Variants in AHNAK2 observed in about 807,000 individuals in gnomAD.
AHNAK2 encodes the protein AHNAK nucleoprotein 2.
A neutral mutation model predicts 30.7 loss-of-function variants in AHNAK2; 18 were observed. That is an observed-to-expected ratio of 0.59 (90% CI 0.41 to 0.87). The LOEUF (loss-of-function observed/expected upper bound fraction) is 0.87, where lower values mean the gene tolerates loss of function less well. Ranked by LOEUF, AHNAK2 falls within the 40% of genes least tolerant of loss-of-function variation. The pLI is 0.00. For missense variants in AHNAK2, 8,604 were observed against 7,373.0 expected, an observed-to-expected ratio of 1.17 and a Z score of -6.11; for synonymous variants, 3,590 against 3,073.8, an observed-to-expected ratio of 1.17 and a Z score of -5.56.
rs746163542 is a variant in AHNAK2, at chr14:104,953,927, A to C, written c.1524T>G (p.Leu508=). 3.1e-6 allele frequency: 5 copies of C among 1,613,808 alleles called. No homozygotes were observed. In the Admixed American group the frequency reaches 8.3e-5, roughly 27 times the overall value. ...GTCTCTTCCCTCGCTGTGGGGTACT[A>C]AGGCGCCTTTCTCTTTCTGGCTCTT... The part of the protein sequence containing the change: ...TEKEPERERR[L]STPQRGKRQD... The change falls in exon 7 of 7, where the codon CTT becomes CTG. Residue 508 remains leucine, a synonymous_variant. Coordinates refer to ENST00000333244, the MANE Select transcript of AHNAK2 (RefSeq NM_138420.4).
At chr14:104,967,035 G>A (rs1229458216) in intron 1 of AHNAK2, among the ~76,000 whole-genome samples, 2 of 152,204 alleles carry the variant, frequency 1.3e-5, no homozygotes, top group Non-Finnish European at 2.9e-5. Flanking sequence ...AGGGTCCCTG[G>A]GTCACTTGGC....
In AHNAK2 at chr14:104,944,707, T is replaced by C. The variant is rs748321528; in HGVS notation, c.10744A>G (p.Lys3582Glu). ...KGPQIDVKGPKLDLKGPKAEV... is the reference protein window; with the variant it reads ...KGPQIDVKGPELDLKGPKAEV... ...GCCTTGGGGCCTTTCAGGTCCAGCT[T>C]GGGGCCCTTAACATCTATCTGGGGG... Residue 3582 changes from lysine (K) to glutamate (E), a missense_variant, in exon 7 of 7, where the codon AAG becomes GAG. Coordinates refer to ENST00000333244, the MANE Select transcript of AHNAK2 (RefSeq NM_138420.4). 6.2e-7 allele frequency: 1 copy of C among 1,612,576 alleles called. No homozygotes were observed. The highest frequency in any genetic ancestry group is 8.5e-7 in the Non-Finnish European group (1 of 1,179,504).
chr14:104,942,844 C>T lies in AHNAK2; in HGVS notation c.12607G>A (p.Glu4203Lys). 1 of 1,612,762 alleles carries T rather than the reference C, an allele frequency of 6.2e-7. No homozygotes were observed. The highest frequency in any genetic ancestry group is 8.5e-7 in the Non-Finnish European group (1 of 1,179,546). Residue 4203 changes from glutamate to lysine, a missense_variant, in exon 7 of 7, where the codon GAG becomes AAG. Transcript: ENST00000333244. ...QAGQVDVKLP[E>K]GPLPKGAGLK... The stretch of plus-strand genomic sequence containing the variant: ...CCGGCTCCCTTGGGCAGGGGGCCCT[C>T]CGGGAGTTTCACGTCCACTTGGCCA...
rs776422568 is a variant in AHNAK2 at position 104,946,677 on chromosome 14, A to G, written c.8774T>C (p.Leu2925Pro). The part of the protein sequence containing the change: ...QIDVKGPKLD[L>P]KGPKAEVTAP... Reference sequence around the variant, plus strand: ...CGTCACCTCCGCCTTGGGGCCTTTCAGGTCCAGCTTGGGGCCCTTGACGTC... The same window carrying G: ...CGTCACCTCCGCCTTGGGGCCTTTCGGGTCCAGCTTGGGGCCCTTGACGTC... Residue 2925 changes from leucine (L) to proline (P), a missense_variant, in exon 7 of 7, where the codon CTG (leucine) becomes CCG (proline). Transcript: ENST00000333244. 2 of 1,612,626 alleles carry G rather than the reference A, an allele frequency of 1.2e-6. No homozygotes were observed. The highest frequency in any genetic ancestry group is 1.7e-6 in the Non-Finnish European group (2 of 1,179,620).
chr14:104,938,258 G>C lies in AHNAK2; in HGVS notation c.17193C>G (p.Ile5731Met), dbSNP rs370300787. 1 of 1,613,890 alleles carries C rather than the reference G, an allele frequency of 6.2e-7. No individual in the cohort carries two copies. Among genetic ancestry groups the C allele is most frequent in the Non-Finnish European group, 8.5e-7 (1 of 1,179,856 alleles). ...AACTTTCTCGGGCATCAAAAAACGT[G>C]ATTGTTTCTTCTTGAAGTTTTTGTT... ...LEEQKLQEET[I>M]TFFDARESFS... Residue 5731 changes from isoleucine to methionine, a missense_variant, in exon 7 of 7, where the codon ATC (isoleucine) becomes ATG (methionine). Physicochemically the swap from Ile to Met is conservative, Grantham distance 10. Transcript: ENST00000333244.
At position 104,946,819 on chromosome 14, in the gene AHNAK2, C is replaced by G. The variant is rs1355679682; in HGVS notation, c.8632G>C (p.Asp2878His). 6.2e-7 allele frequency: 1 copy of G among 1,612,558 alleles called. No homozygotes were observed. The highest frequency in any genetic ancestry group is 8.5e-7 in the Non-Finnish European group (1 of 1,179,598). Reference protein sequence around the residue: ...AQLEVQAGQVDVKLPEGHVPE... With the variant: ...AQLEVQAGQVHVKLPEGHVPE... Reference sequence around the variant, plus strand: ...ACGTGGCCCTCTGGGAGTTTCACGTCCACCTGGCCAGCCTGGACCTCCAGT... The same window carrying G: ...ACGTGGCCCTCTGGGAGTTTCACGTGCACCTGGCCAGCCTGGACCTCCAGT... The change falls in exon 7 of 7, where the codon GAC (aspartate) becomes CAC (histidine). Residue 2878 changes from aspartate to histidine, a missense_variant. Transcript: ENST00000333244.
In AHNAK2 at chr14:104,952,968, G is replaced by A; in HGVS notation, c.2483C>T (p.Ala828Val). 1 of 1,612,324 alleles carries A rather than the reference G, an allele frequency of 6.2e-7. No homozygotes were observed. The highest frequency in any genetic ancestry group is 8.5e-7 in the Non-Finnish European group (1 of 1,179,484). ...DLSLADKEVT[A>V]KDSKFKMPKF... is the part of the protein sequence containing the mutation. ...GGGCATTTTGAACTTGCTGTCTTTG[G>A]CAGTCACCTCCTTGTCGGCCAGGGA... Residue 828 changes from alanine to valine, a missense_variant, in exon 7 of 7, where the codon GCC becomes GTC. Coordinates refer to ENST00000333244, the MANE Select transcript of AHNAK2 (RefSeq NM_138420.4).
At chr14:104,956,815 G>T (rs1595425309) in intron 3 of AHNAK2, 126 bp from the exon 4 acceptor site, 1 of 829,144 alleles carries the variant, frequency 1.2e-6, no homozygotes, top group Admixed American at 2.1e-5. Context: ...ACACACAGCT[G>T]TGTGCAGAGG....
rs1256616962 is a variant in AHNAK2 at position 104,943,973 on chromosome 14, C to T, written c.11478G>A (p.Val3826=). The change falls in exon 7 of 7, where the codon GTG becomes GTA. Residue 3826 remains valine, a synonymous_variant. Transcript: ENST00000333244. ...CCTCCACCTTGGGTGCAGACACGTG[C>T]ACCGAGGCCTCAATGGACTTGCCTG... The part of the protein sequence containing the change: ...SAPGKSIEAS[V]HVSAPKVEAD... 1.2e-6 allele frequency: 2 copies of T among 1,612,570 alleles called. No homozygotes were observed. The highest frequency in any genetic ancestry group is 2.2e-5 in the East Asian group (1 of 44,750).
Position 104,938,166 on chromosome 14 carries a change from A to G in AHNAK2, c.17285T>C (p.Val5762Ala). ...TGTTCTTGCCGCGGATGTCACCATC[A>G]CTCTGGAGTCCAGCCCAGTGCCCAC... Reference protein sequence around the residue: ...GPVGTGLDSRVMVTSAARTEL... With the variant: ...GPVGTGLDSRAMVTSAARTEL... The change falls in exon 7 of 7, where the codon GTG (valine) becomes GCG (alanine). Residue 5762 changes from valine to alanine, a missense_variant. Transcript: ENST00000333244. 10 of 1,613,594 alleles carry G rather than the reference A, an allele frequency of 6.2e-6. No homozygotes were observed. Among genetic ancestry groups the G allele is most frequent in the Non-Finnish European group, 8.5e-6 (10 of 1,179,832 alleles).
At chr14:104,969,984 C>T (rs1310901190) in intron 1 of AHNAK2, among the ~76,000 whole-genome samples, 1 of 152,118 alleles carries the variant, frequency 6.6e-6, no homozygotes, top group East Asian at 1.9e-4. Flanking sequence ...CACCCAGGGC[C>T]CCTGTGCACC....
intron 1 of AHNAK2, among the ~76,000 whole-genome samples, chr14:104,964,523 T>A (rs1899246027): frequency 6.6e-6 from 1 of 151,922 alleles, no homozygotes; most frequent in South Asian, 2.1e-4. Flanking sequence ...AACATCCATC[T>A]CAGTATAATC....
chr14:104,943,969 C>CG lies in AHNAK2; in HGVS notation c.11481dup (p.Val3828ArgfsTer23). The CG allele has an allele frequency of 6.2e-7, 1 of 1,612,834 alleles. No homozygotes were observed. Among genetic ancestry groups the CG allele is most frequent in the South Asian group, 1.1e-5 (1 of 91,030 alleles). ...TCGGCCTCCACCTTGGGTGCAGACA[C>CG]GTGCACCGAGGCCTCAATGGACTTG... On this transcript the variant is annotated frameshift_variant, in exon 7 of 7. Coordinates refer to ENST00000333244, the MANE Select transcript of AHNAK2 (RefSeq NM_138420.4). LOFTEE classifies it low-confidence loss of function (END_TRUNC).
In AHNAK2 at chr14:104,939,024, T is replaced by G; in HGVS notation, c.16427A>C (p.Glu5476Ala). ...TGTCACTATGCTGTGTATAGTGACCTCTTGACTTTCAACCTGAGCACCCTG... is the reference window on the plus strand; with the variant it reads ...TGTCACTATGCTGTGTATAGTGACCGCTTGACTTTCAACCTGAGCACCCTG... The part of the protein sequence containing the change: ...HIQGAQVESQ[E>A]VTIHSIVTPE... The change falls in exon 7 of 7, where the codon GAG becomes GCG. Residue 5476 changes from glutamate (E) to alanine (A), a missense_variant. Coordinates refer to ENST00000333244, the MANE Select transcript of AHNAK2 (RefSeq NM_138420.4). The G allele has an allele frequency of 6.2e-7, 1 of 1,609,464 alleles. No homozygotes were observed. The highest frequency in any genetic ancestry group is 2.2e-5 in the East Asian group (1 of 44,822).
Position 104,940,593 on chromosome 14 carries a change from A to G in AHNAK2, c.14858T>C (p.Leu4953Ser). 1 of 1,613,610 alleles carries G rather than the reference A, an allele frequency of 6.2e-7. No individual in the cohort carries two copies. The highest frequency in any genetic ancestry group is 8.5e-7 in the Non-Finnish European group (1 of 1,179,836). The change falls in exon 7 of 7, where the codon TTG (leucine) becomes TCG (serine). Residue 4953 changes from leucine to serine, a missense_variant. By Grantham distance (145) the Leu-to-Ser change is moderately radical (BLOSUM62 -2). Transcript: ENST00000333244. This position sits in a 1 kb window ranked among gnomAD's most constrained non-coding sequence, Gnocchi z 4.4. The stretch of plus-strand genomic sequence containing the variant: ...TGGAAGCTTAATCTTAGGCATTTTC[A>G]AGGGACTCCCTTTCCCTTCGTGGTC... Reference protein sequence around the residue: ...DADHEGKGSPLKMPKIKLPSF... With the variant: ...DADHEGKGSPSKMPKIKLPSF...
intron 1 of AHNAK2, chr14:104,970,552 TC>T (rs1566926781): frequency 4.1e-6 from 4 of 979,778 alleles, no homozygotes; most frequent in Non-Finnish European, 4.8e-6. Context: ...CCACAGCTCC[TC>T]CCCCCATTGT....
chr14:104,943,149 A>G lies in AHNAK2; in HGVS notation c.12302T>C (p.Val4101Ala). 6.2e-7 allele frequency: 1 copy of G among 1,613,074 alleles called. No homozygotes were observed. The highest frequency in any genetic ancestry group is 8.5e-7 in the Non-Finnish European group (1 of 1,179,578). Residue 4101 changes from valine to alanine, a missense_variant, in exon 7 of 7, where the codon GTG becomes GCG. Val to Ala is a moderately conservative substitution (Grantham distance 64, BLOSUM62 0). Coordinates refer to ENST00000333244, the MANE Select transcript of AHNAK2 (RefSeq NM_138420.4). The stretch of plus-strand genomic sequence containing the variant: ...CTTTGCTCTCGGGGCCTGGACGTCC[A>G]CCTCCATGCTGGACAGAGACATCTT... Reference protein sequence around the residue: ...DVKMSLSSMEVDVQAPRAKLD... With the variant: ...DVKMSLSSMEADVQAPRAKLD...
rs747489593 is a variant in AHNAK2, at chr14:104,954,102, C to G, written c.1349G>C (p.Gly450Ala). ...CAGGCTCTGCAGTCCCTCGCCTTCA[C>G]CCTCCCGGCTCATTCCAGGAGTTGG... Reference protein sequence around the residue: ...AQPTPGMSREGEGEGLQSLEI... With the variant: ...AQPTPGMSREAEGEGLQSLEI... Residue 450 changes from glycine (G) to alanine (A), a missense_variant, in exon 7 of 7, where the codon GGT becomes GCT. Transcript: ENST00000333244. The surrounding 1 kb of genome is among the most constrained non-coding windows in gnomAD (Gnocchi z 4.3). The G allele has an allele frequency of 2.5e-6, 4 of 1,612,596 alleles. No individual in the cohort carries two copies. The East Asian group carries it at 6.7e-5, about 27-fold the overall frequency.
chr14:104,946,566 C>A lies in AHNAK2; in HGVS notation c.8885G>T (p.Gly2962Val). Residue 2962 changes from glycine to valine, a missense_variant, in exon 7 of 7, where the codon GGT becomes GTT. Gly to Val is a moderately radical substitution (Grantham distance 109). Transcript: ENST00000333244. ...ATCCTTGTCGGCCAGGGACAGGTCACCCTCCAGCCGTGCACCATCCAGCTT... is the reference window on the plus strand; with the variant it reads ...ATCCTTGTCGGCCAGGGACAGGTCAACCTCCAGCCGTGCACCATCCAGCTT... ...RAKLDGARLEGDLSLADKDVT... is the reference protein window; with the variant it reads ...RAKLDGARLEVDLSLADKDVT... The A allele has an allele frequency of 6.2e-7, 1 of 1,612,918 alleles. No individual in the cohort carries two copies. Among genetic ancestry groups the A allele is most frequent in the South Asian group, 1.1e-5 (1 of 91,010 alleles).
Sources: gnomAD v4.1 joint callset for allele counts (sites outside exome capture counted in the v4.1 genomes callset) on GRCh38, gnomAD v4.1.1 for gene constraint, Gnocchi (gnomAD v3.1) non-coding constraint, MANE v1.5 for transcripts, NCBI Gene and HGNC (gene_info 2026-07-23, HGNC 2026-07-21) for gene names.